The following PRKG1 variants were observed in gnomAD, a reference collection of about 807,000 sequenced individuals.
PRKG1 encodes protein kinase cGMP-dependent 1.
PRKG1 carries 35 observed loss-of-function variants against 88.1 expected under a neutral mutation model. The observed-to-expected ratio is 0.40, with a 90% CI of 0.30 to 0.53. PRKG1 has a LOEUF of 0.53. Ranked by LOEUF, PRKG1 falls within the 20% of genes least tolerant of loss-of-function variation. The pLI, the probability that PRKG1 is intolerant of heterozygous loss-of-function variation, is 0.59. For synonymous variants in PRKG1, 303 were observed against 292.5 expected (o/e 1.04, Z -0.37); for missense variants, 540 against 839.8 (o/e 0.64, Z 4.41).
intron 2 of PRKG1, among the ~76,000 whole-genome samples, chr10:51,428,028 G>C (rs1006694656): frequency 2.0e-5 from 3 of 152,154 alleles, no homozygotes; most frequent in Admixed American, 1.3e-4. Context: ...TAAGAGTAGA[G>C]ACAGAGAGAA....
At chr10:51,331,738 G>A (rs1303123285) in intron 2 of PRKG1, among the ~76,000 whole-genome samples, 2 of 152,066 alleles carry the variant, frequency 1.3e-5, no homozygotes, top group Non-Finnish European at 2.9e-5. Context: ...TGCTTCTCCT[G>A]GGGCAAGTAT....
At chr10:52,246,695 G>A (rs1405805568) in intron 9 of PRKG1, among the ~76,000 whole-genome samples, 2 of 151,874 alleles carry the variant, frequency 1.3e-5, no homozygotes, top group South Asian at 2.1e-4. Flanking sequence ...TGACCAACAT[G>A]GTGAAACCCC....
intron 7 of PRKG1, among the ~76,000 whole-genome samples, chr10:52,065,506 T>C (rs554158813): frequency 4.1e-5 from 6 of 147,428 alleles, no homozygotes; most frequent in Non-Finnish European, 8.8e-5. Context: ...GATGACAGGT[T>C]TTATTTTCTT....
At chr10:51,796,080 T>A (rs2132593445) in intron 3 of PRKG1, among the ~76,000 whole-genome samples, 1 of 152,234 alleles carries the variant, frequency 6.6e-6, no homozygotes, top group South Asian at 2.1e-4. Flanking sequence ...CAAAGAATTA[T>A]AAGAATATTT....
intron 3 of PRKG1, among the ~76,000 whole-genome samples, chr10:51,656,803 C>A (rs1426637435): frequency 2.0e-5 from 3 of 152,118 alleles, no homozygotes; most frequent in East Asian, 1.9e-4. Flanking sequence ...CACCAACAAA[C>A]CTTTTCAACA....
intron 7 of PRKG1, among the ~76,000 whole-genome samples, chr10:52,070,944 C>A (rs1012203732): frequency 6.6e-6 from 1 of 152,148 alleles, no homozygotes; most frequent in Non-Finnish European, 1.5e-5. Context: ...ATGTTCATCT[C>A]TGTTTCAGCT....
intron 3 of PRKG1, among the ~76,000 whole-genome samples, chr10:51,645,221 T>C (rs923770323): frequency 7.2e-5 from 11 of 152,234 alleles, no homozygotes; most frequent in African/African-American, 2.7e-4. Context: ...CAGCTGTTTG[T>C]TTACATGTAC....
At chr10:51,389,178 T>A (rs181595333) in intron 2 of PRKG1, among the ~76,000 whole-genome samples, 1 of 152,322 alleles carries the variant, frequency 6.6e-6, no homozygotes, top group African/African-American at 2.4e-5. Flanking sequence ...TACAAATCTT[T>A]TTAAAAGATA....
At chr10:51,652,514 C>G (rs1211078690) in intron 3 of PRKG1, among the ~76,000 whole-genome samples, 2 of 151,966 alleles carry the variant, frequency 1.3e-5, no homozygotes, top group Non-Finnish European at 2.9e-5. Flanking sequence ...CAAGAAAGAA[C>G]TTTTCCAGAG....
At chr10:51,718,875 G>A (rs1841948127) in intron 3 of PRKG1, among the ~76,000 whole-genome samples, 1 of 151,858 alleles carries the variant, frequency 6.6e-6, no homozygotes, top group East Asian at 1.9e-4. Context: ...GGCCAGGTGT[G>A]GTGGCTCATG....
At chr10:51,927,558 A>G (rs1386941481) in intron 5 of PRKG1, among the ~76,000 whole-genome samples, 2 of 147,152 alleles carry the variant, frequency 1.4e-5, no homozygotes, top group Non-Finnish European at 3.1e-5. Flanking sequence ...AGCAGCAATC[A>G]AACATACACA....
At chr10:51,163,904 G>T (rs1564623425) in intron 2 of PRKG1, among the ~76,000 whole-genome samples, 1 of 152,226 alleles carries the variant, frequency 6.6e-6, no homozygotes, top group Non-Finnish European at 1.5e-5. Flanking sequence ...AGCTGGAACT[G>T]GGTGGAGCCC....
chr10:51,982,977 C>A (rs190700143), intron 5 of PRKG1, among the ~76,000 whole-genome samples: 1 of 152,058 alleles, frequency 6.6e-6, no homozygotes, highest in East Asian at 1.9e-4. Flanking sequence ...GTGCTGGTGA[C>A]GGTGTTAATA....
intron 5 of PRKG1, among the ~76,000 whole-genome samples, chr10:51,952,090 G>A (rs1843198765): frequency 6.6e-6 from 1 of 152,238 alleles, no homozygotes; most frequent in Middle Eastern, 3.4e-3. Flanking sequence ...AGCCTAAAAT[G>A]TTTACTATCT....
intron 2 of PRKG1, among the ~76,000 whole-genome samples, chr10:51,193,790 G>C (rs1444432070): frequency 6.6e-6 from 1 of 152,048 alleles, no homozygotes; most frequent in Non-Finnish European, 1.5e-5. Flanking sequence ...ACTTTACTCT[G>C]TTTGATCCAT....
At chr10:52,078,598 C>A (rs1283276022) in intron 7 of PRKG1, among the ~76,000 whole-genome samples, 2 of 152,208 alleles carry the variant, frequency 1.3e-5, no homozygotes, top group African/African-American at 2.4e-5. Context: ...ACACCAGAGA[C>A]TACCATATAC....
chr10:51,980,107 G>A (rs1843968211), intron 5 of PRKG1, among the ~76,000 whole-genome samples: 1 of 152,022 alleles, frequency 6.6e-6, no homozygotes, highest in Non-Finnish European at 1.5e-5. Flanking sequence ...ACTTTTTCAT[G>A]TGAGCATTTA....
chr10:51,338,770 A>C (rs1199980215), intron 2 of PRKG1, among the ~76,000 whole-genome samples: 1 of 152,246 alleles, frequency 6.6e-6, no homozygotes, highest in African/African-American at 2.4e-5. Flanking sequence ...ATTCAATTAG[A>C]TTGTACAGTC....
intron 3 of PRKG1, among the ~76,000 whole-genome samples, chr10:51,602,782 A>G (rs7082256): frequency 0.013 from 1,089 of 82,580 alleles, 27 homozygotes; most frequent in African/African-American, 0.1. Flanking sequence ...GTGTGTGTGT[A>G]TATATTCATA....
Sources: allele counts gnomAD v4.1 joint callset (sites outside exome capture counted in the v4.1 genomes callset), GRCh38; gene constraint gnomAD v4.1.1; transcripts MANE v1.5; gene names NCBI Gene and HGNC (gene_info 2026-07-23, HGNC 2026-07-21).